Variants in EYS observed in about 807,000 individuals in gnomAD.
EYS encodes the protein protein eyes shut homolog.
In EYS, 250 loss-of-function variants were observed where a neutral mutation model predicts 282.1. The ratio of observed to expected loss-of-function variants is 0.89; its 90% CI spans 0.80 to 0.98. EYS has a LOEUF of 0.98. Ranked by LOEUF, EYS falls within the 50% of genes least tolerant of loss-of-function variation. The pLI, the probability that EYS is intolerant of heterozygous loss-of-function variation, is 0.00. For synonymous variants in EYS, 1,355 were observed against 1,282.9 expected (o/e 1.06, Z -1.20); for missense variants, 4,016 against 3,709.0 (o/e 1.08, Z -2.15).
chr6:64,404,242 C>T lies in EYS; in HGVS notation c.5928-15402G>A, dbSNP rs536892609. Reference sequence around the variant, plus strand: ...GCTTTTAGGTTACTTTGCTTTAACACATGAGGGATAAAATAGACAATGAGG... The same window carrying T: ...GCTTTTAGGTTACTTTGCTTTAACATATGAGGGATAAAATAGACAATGAGG... On this transcript the variant is annotated intron_variant, in intron 28 of 42. Transcript: ENST00000503581. 7.2e-5 allele frequency among the ~76,000 whole-genome samples: 11 copies of T among 152,210 alleles called. No individual in the cohort carries two copies. In the South Asian group the frequency reaches 1.2e-3, roughly 17 times the overall value.
chr6:64,825,447 T>G (rs1765023296), intron 19 of EYS, among the ~76,000 whole-genome samples: 1 of 151,896 alleles, frequency 6.6e-6, no homozygotes, highest in Admixed American at 6.6e-5. Context: ...AAATATTTGT[T>G]AAAAAATAAA....
In EYS at chr6:65,495,877, C is replaced by G. The variant is rs538578145; in HGVS notation, c.-216G>C. 5.9e-6 allele frequency: 1 copy of G among 170,186 alleles called. No homozygotes were observed. The highest frequency in any genetic ancestry group is 2.4e-5 in the African/African-American group (1 of 41,668). 10.5% of individuals were successfully genotyped at this position (170,186 alleles called of 1,614,324 possible). A position where few individuals can be genotyped will look rare whatever the true frequency, so the allele number is the denominator to read the frequency against. On this transcript the variant is annotated 5_prime_UTR_variant, in exon 3 of 43. Transcript: ENST00000503581. Reference sequence around the variant, plus strand: ...AACTTACTGCGGTCTTTTGTGTTTTCTCTTTACACCAAGCTTCAATCTAAT... The same window carrying G: ...AACTTACTGCGGTCTTTTGTGTTTTGTCTTTACACCAAGCTTCAATCTAAT...
chr6:65,225,214 AATC>A (rs1479821980), intron 12 of EYS, among the ~76,000 whole-genome samples: 5 of 151,000 alleles, frequency 3.3e-5, no homozygotes, highest in African/African-American at 1.2e-4. Context: ...GAAATATAAT[AATC>A]AACAAAACTA....
At chr6:64,314,357 A>G (rs1399109686) in intron 29 of EYS, among the ~76,000 whole-genome samples, 2 of 152,174 alleles carry the variant, frequency 1.3e-5, no homozygotes, top group Non-Finnish European at 2.9e-5. Flanking sequence ...ATATGCAACC[A>G]ATACAGGAGC....
intron 26 of EYS, among the ~76,000 whole-genome samples, chr6:64,488,116 AC>A (rs1416255926): frequency 6.0e-5 from 9 of 151,010 alleles, no homozygotes; most frequent in African/African-American, 2.2e-4. Context: ...AGTTGTTTTG[AC>A]CTATTTTCAA....
At chr6:64,582,202 T>C (rs951657713) in intron 26 of EYS, among the ~76,000 whole-genome samples, 15 of 152,138 alleles carry the variant, frequency 9.9e-5, no homozygotes, top group African/African-American at 3.6e-4. Context: ...GGCCATGGAT[T>C]GGTACCTGTC....
chr6:64,063,510 C>G (rs776761955), intron 33 of EYS, among the ~76,000 whole-genome samples: 1 of 152,104 alleles, frequency 6.6e-6, no homozygotes, highest in Admixed American at 6.6e-5. Context: ...GTCCAAGCCA[C>G]CATTATATCT....
At chr6:65,057,127 C>T (rs1341688609) in intron 13 of EYS, among the ~76,000 whole-genome samples, 6 of 151,866 alleles carry the variant, frequency 4.0e-5, no homozygotes, top group South Asian at 4.2e-4. Context: ...AATATATTAA[C>T]ATATTTATAA....
At chr6:65,265,550 A>C (rs1448268043) in intron 12 of EYS, among the ~76,000 whole-genome samples, 1 of 152,018 alleles carries the variant, frequency 6.6e-6, no homozygotes, top group Non-Finnish European at 1.5e-5. Context: ...TAGTGAGCTA[A>C]ACAAAATAAC....
At chr6:63,830,040 T>A (rs370763394) in intron 36 of EYS, among the ~76,000 whole-genome samples, 2 of 152,126 alleles carry the variant, frequency 1.3e-5, no homozygotes, top group African/African-American at 4.8e-5. Flanking sequence ...AGAAAGGACA[T>A]CCACACCAAA....
intron 31 of EYS, among the ~76,000 whole-genome samples, chr6:64,197,194 A>T (rs980610980): frequency 3.3e-5 from 5 of 152,202 alleles, no homozygotes; most frequent in African/African-American, 1.2e-4. Flanking sequence ...TAGAAGATAG[A>T]TAATAATTTC....
intron 1 of EYS, among the ~76,000 whole-genome samples, chr6:65,641,270 C>T (rs1047922458): frequency 1.3e-5 from 2 of 152,234 alleles, no homozygotes; most frequent in Non-Finnish European, 2.9e-5. Context: ...ATTAACCATA[C>T]TCTTCCCAAC....
intron 26 of EYS, among the ~76,000 whole-genome samples, chr6:64,443,004 C>T (rs1420291066): frequency 1.3e-5 from 2 of 152,122 alleles, no homozygotes; most frequent in African/African-American, 4.8e-5. Flanking sequence ...AATGGTAGAT[C>T]CACTGACGGC....
rs73741282 is a variant in EYS at position 65,246,308 on chromosome 6, T to C, written c.2023+49555A>G. ...AGTATAGGTGACTTTTCTGCCTATATTGTGAATATGAAAATGTATAGGGAC... is the reference window on the plus strand; with the variant it reads ...AGTATAGGTGACTTTTCTGCCTATACTGTGAATATGAAAATGTATAGGGAC... On this transcript the variant is annotated intron_variant, in intron 12 of 42. Transcript: ENST00000503581. Among the ~76,000 whole-genome samples the C allele has an allele frequency of 2.7e-3, 408 of 152,198 alleles. 6 individuals are homozygous for C. The highest frequency in any genetic ancestry group is 0.01 in the Middle Eastern group (3 of 294).
At chr6:65,334,934 A>G in intron 11 of EYS, 46 bp downstream of exon 11, 7 of 1,550,574 alleles carry the variant, frequency 4.5e-6, no homozygotes, top group Non-Finnish European at 6.2e-6. Context: ...ATTTAATTAT[A>G]ACTTTTTGAT....
intron 12 of EYS, among the ~76,000 whole-genome samples, chr6:65,286,993 G>C (rs1222808637): frequency 6.6e-6 from 1 of 151,214 alleles, no homozygotes; most frequent in Non-Finnish European, 1.5e-5. Context: ...TAAAAGTCTT[G>C]GGCTCAGTAG....
chr6:64,024,968 C>T (rs1309987858), intron 33 of EYS, among the ~76,000 whole-genome samples: 7 of 152,296 alleles, frequency 4.6e-5, no homozygotes, highest in East Asian at 1.9e-4. Flanking sequence ...AAGGGACTTT[C>T]GCCTATCGCC....
intron 31 of EYS, among the ~76,000 whole-genome samples, chr6:64,106,171 G>A (rs1008143061): frequency 6.6e-6 from 1 of 151,990 alleles, no homozygotes; most frequent in East Asian, 1.9e-4. Flanking sequence ...TTTTAATGGA[G>A]TATTTTATGT....
intron 26 of EYS, among the ~76,000 whole-genome samples, chr6:64,462,277 A>G (rs1674760165): frequency 6.6e-6 from 1 of 152,196 alleles, no homozygotes; most frequent in African/African-American, 2.4e-5. Flanking sequence ...ATGCTTAGAG[A>G]ATAAATTGCA....
Sources: allele counts gnomAD v4.1 joint callset (sites outside exome capture counted in the v4.1 genomes callset), GRCh38; gene constraint gnomAD v4.1.1; transcripts MANE v1.5; gene names NCBI Gene and HGNC (gene_info 2026-07-23, HGNC 2026-07-21).